Variants in FHIP2A observed in about 807,000 individuals in gnomAD.
FHIP2A encodes family with sequence similarity 160 member B1.
A neutral mutation model predicts 93.5 loss-of-function variants in FHIP2A; 46 were observed. The observed-to-expected ratio is 0.49, with a 90% CI of 0.39 to 0.63. FHIP2A has a LOEUF of 0.63. FHIP2A is among the 20% of genes least tolerant of loss of function. FHIP2A has a pLI of 0.00. For synonymous variants in FHIP2A, 332 were observed against 326.5 expected, an observed-to-expected ratio of 1.02 and a Z score of -0.18; for missense variants, 769 against 909.7, an observed-to-expected ratio of 0.85 and a Z score of 1.99.
Position 114,861,225 on chromosome 10 carries a change from A to G in FHIP2A, c.2089-6A>G, listed in dbSNP as rs1469705090. 1.2e-6 allele frequency: 2 copies of G among 1,613,832 alleles called. No homozygotes were observed. The highest frequency in any genetic ancestry group is 1.7e-6 in the Non-Finnish European group (2 of 1,179,964). ...GGAACTGAAGTGCCTTGCCTCTGTG[A>G]TGCAGGTTGTTGGAGACCTTATGCT... is the stretch of plus-strand genomic sequence containing the variant. On this transcript the variant is annotated splice_region_variant and splice_polypyrimidine_tract_variant and intron_variant, in intron 15 of 16. Coordinates refer to ENST00000369248, the MANE Select transcript of FHIP2A (RefSeq NM_020940.4).
At chr10:114,855,857 A>C (rs1199771969) in intron 14 of FHIP2A, among the ~76,000 whole-genome samples, 3 of 152,192 alleles carry the variant, frequency 2.0e-5, no homozygotes, top group Non-Finnish European at 4.4e-5. Flanking sequence ...AAGGTGGATA[A>C]AAATCACCAT....
intron 14 of FHIP2A, among the ~76,000 whole-genome samples, chr10:114,858,940 C>T (rs557651317): frequency 2.0e-5 from 3 of 152,062 alleles, no homozygotes; most frequent in Non-Finnish European, 4.4e-5. Context: ...TTGGTCATTA[C>T]ACATTACACA....
At chr10:114,850,563 G>A (rs2083728716) in intron 13 of FHIP2A, among the ~76,000 whole-genome samples, 1 of 152,088 alleles carries the variant, frequency 6.6e-6, no homozygotes, top group South Asian at 2.1e-4. Context: ...ATCCGTGTGT[G>A]GTGGCATGCA....
At position 114,864,662 on chromosome 10, in the gene FHIP2A, T is replaced by C. The variant is rs2083819919; in HGVS notation, c.*3122T>C. On this transcript the variant is annotated 3_prime_UTR_variant, in exon 17 of 17. Coordinates refer to ENST00000369248, the MANE Select transcript of FHIP2A (RefSeq NM_020940.4). ...CAAGTTCAACTTTTTGTGCTAACAA[T>C]GCATGCAGGACTAAGAGGGATGATC... is the stretch of plus-strand genomic sequence containing the variant. 2.0e-6 allele frequency: 2 copies of C among 985,496 alleles called. No homozygotes were observed. Among genetic ancestry groups the C allele is most frequent in the South Asian group, 9.4e-5 (2 of 21,284 alleles). 61.0% of individuals were successfully genotyped at this position (985,496 alleles called of 1,614,324 possible).
At chr10:114,822,674 C>G (rs998290487) in intron 1 of FHIP2A, among the ~76,000 whole-genome samples, 1 of 152,216 alleles carries the variant, frequency 6.6e-6, no homozygotes, top group Non-Finnish European at 1.5e-5. Context: ...GACCAGCCCC[C>G]GGGTTGCTGG....
intron 16 of FHIP2A, among the ~76,000 whole-genome samples, chr10:114,898,024 G>A (rs11196971): frequency 0.082 from 12,481 of 152,238 alleles, 694 homozygotes; most frequent in East Asian, 0.2. Context: ...AAGGGAAGCT[G>A]TATTATGTTA....
chr10:114,851,714 C>CCAAAA (rs774825413), intron 13 of FHIP2A, among the ~76,000 whole-genome samples: 18 of 81,938 alleles, frequency 2.2e-4, no homozygotes, highest in African/African-American at 8.3e-4. Flanking sequence ...TCCATTTCTG[C>CCAAAA]AAAAAAAAAA....
intron 16 of FHIP2A, among the ~76,000 whole-genome samples, chr10:114,879,089 A>G (rs1315986704): frequency 2.0e-5 from 3 of 152,220 alleles, no homozygotes; most frequent in Non-Finnish European, 4.4e-5. Context: ...GCAAGCTACC[A>G]ATATTCCATA....
Position 114,862,335 on chromosome 10 carries a change from A to G in FHIP2A, c.*795A>G. ...ATTGTATTTTTTTAAGCTAAGTAAC[A>G]TGTACTGGGTTGAGAACCTTTTTCC... On this transcript the variant is annotated 3_prime_UTR_variant, in exon 17 of 17. Transcript: ENST00000369248. 1 of 987,466 alleles carries G rather than the reference A, an allele frequency of 1.0e-6. No homozygotes were observed. Among genetic ancestry groups the G allele is most frequent in the Non-Finnish European group, 1.2e-6 (1 of 830,054 alleles). The allele number at this position is 987,466 out of a possible 1,614,324, so 61.2% of individuals were successfully genotyped here. A position where few individuals can be genotyped will look rare whatever the true frequency, so the allele number is the denominator to read the frequency against.
At position 114,862,988 on chromosome 10, in the gene FHIP2A, C is replaced by T. The variant is rs1283768802; in HGVS notation, c.*1448C>T. On this transcript the variant is annotated 3_prime_UTR_variant, in exon 17 of 17. Coordinates refer to ENST00000369248, the MANE Select transcript of FHIP2A (RefSeq NM_020940.4). ...CTATCTGCTCATTTTGTTGTGTTAGCTTTTCTGGTTTATTTCATAGTTTGT... is the reference window on the plus strand; with the variant it reads ...CTATCTGCTCATTTTGTTGTGTTAGTTTTTCTGGTTTATTTCATAGTTTGT... 2 of 985,246 alleles carry T rather than the reference C, an allele frequency of 2.0e-6. No individual in the cohort carries two copies. The highest frequency in any genetic ancestry group is 1.2e-6 in the Non-Finnish European group (1 of 829,922). 61.0% of individuals were successfully genotyped at this position (985,246 alleles called of 1,614,324 possible).
chr10:114,870,003 A>G (rs571534313), intron 16 of FHIP2A, among the ~76,000 whole-genome samples: 27 of 152,224 alleles, frequency 1.8e-4, no homozygotes, highest in Non-Finnish European at 3.7e-4. Context: ...AGACTAGGGA[A>G]GTGTAATTAA....
In FHIP2A at chr10:114,882,948, T is replaced by C. The variant is rs147232615; in HGVS notation, c.2193-16542T>C. ...CCTTTTTCAGCTTGATCCAGAAGGA[T>C]GACTAAGGGTTCATGAAGGTGCAAG... On this transcript the variant is annotated intron_variant, in intron 16 of 16. Transcript: ENST00000369250. Among the ~76,000 whole-genome samples the C allele has an allele frequency of 6.8e-3, 1,034 of 151,060 alleles. 8 individuals carry two copies. The highest frequency in any genetic ancestry group is 0.024 in the African/African-American group (993 of 41,156).
At chr10:114,840,814 T>G (rs370214362) in intron 5 of FHIP2A, among the ~76,000 whole-genome samples, 78 of 152,268 alleles carry the variant, frequency 5.1e-4, no homozygotes, top group African/African-American at 1.8e-3. Flanking sequence ...CCGGATGCTT[T>G]GAGTCATCAT....
In FHIP2A at chr10:114,839,649, C is replaced by T. The variant is rs564499536; in HGVS notation, c.523-3284C>T. 1.7e-4 allele frequency among the ~76,000 whole-genome samples: 26 copies of T among 152,008 alleles called. No homozygotes were observed. In the South Asian group the frequency reaches 4.8e-3, roughly 28 times the overall value. Reference sequence around the variant, plus strand: ...ATCCCAGCACTTTGGTAGGCTGAGGCGGGCAGATCATAAGGTCAGGAGATC... The same window carrying T: ...ATCCCAGCACTTTGGTAGGCTGAGGTGGGCAGATCATAAGGTCAGGAGATC... On this transcript the variant is annotated intron_variant, in intron 5 of 16. Coordinates refer to ENST00000369248, the MANE Select transcript of FHIP2A (RefSeq NM_020940.4).
Position 114,846,280 on chromosome 10 carries a change from A to G in FHIP2A, c.1311A>G (p.Glu437=), listed in dbSNP as rs773366303. 25 of 1,614,058 alleles carry G rather than the reference A, an allele frequency of 1.5e-5. 1 individual carries two copies. The Middle Eastern group carries it at 4.9e-4, about 32-fold the overall frequency. The change falls in exon 10 of 17, where the codon GAA becomes GAG. Residue 437 remains glutamate (E), a synonymous_variant. Coordinates refer to ENST00000369248, the MANE Select transcript of FHIP2A (RefSeq NM_020940.4). ...LQEMVFFILG[E]QREPETLAEI... is the part of the protein sequence containing the mutation. ...AAATGGTGTTTTTTATCCTTGGAGA[A>G]CAGAGGGAACCAGAAACTCTGGCAG...
chr10:114,870,754 G>A (rs11196958), intron 16 of FHIP2A, among the ~76,000 whole-genome samples: 1 of 152,156 alleles, frequency 6.6e-6, no homozygotes, highest in African/African-American at 2.4e-5. Flanking sequence ...TAAAGTACAA[G>A]GGATAAGGCA....
intron 5 of FHIP2A, among the ~76,000 whole-genome samples, chr10:114,839,707 C>A (rs1276015626): frequency 6.6e-6 from 1 of 151,438 alleles, no homozygotes; most frequent in Admixed American, 6.6e-5. Context: ...ACAGTGAAAC[C>A]CCTTCTCTAC....
Position 114,843,118 on chromosome 10 carries a change from C to G in FHIP2A, c.708C>G (p.Ser236=), listed in dbSNP as rs772521057. Residue 236 remains serine, a synonymous_variant, in exon 6 of 17, where the codon TCC becomes TCG. Coordinates refer to ENST00000369248, the MANE Select transcript of FHIP2A (RefSeq NM_020940.4). The part of the protein sequence containing the change: ...DEPPHQMDHL[S]TSLDNLSVTS... ...CTCCTCATCAGATGGATCACCTGTCCACAAGCTTGGATAACCTCAGTGTCA... is the reference window on the plus strand; with the variant it reads ...CTCCTCATCAGATGGATCACCTGTCGACAAGCTTGGATAACCTCAGTGTCA... The G allele has an allele frequency of 6.2e-7, 1 of 1,613,998 alleles. No individual in the cohort carries two copies. The highest frequency in any genetic ancestry group is 1.1e-5 in the South Asian group (1 of 91,074).
intron 1 of FHIP2A, among the ~76,000 whole-genome samples, chr10:114,824,535 A>G (rs1039392428): frequency 6.6e-6 from 1 of 152,152 alleles, no homozygotes; most frequent in African/African-American, 2.4e-5. Flanking sequence ...CACCCATCTT[A>G]TCTTGATAGG....
Sources: allele counts gnomAD v4.1 joint callset (sites outside exome capture counted in the v4.1 genomes callset), GRCh38; gene constraint gnomAD v4.1.1; transcripts MANE v1.5; gene names NCBI Gene and HGNC (gene_info 2026-07-23, HGNC 2026-07-21).